The following ZNF529 variants were observed in gnomAD, a reference collection of about 807,000 sequenced individuals.
ZNF529 encodes zinc finger protein 529.
In ZNF529, 11 loss-of-function variants were observed where a neutral mutation model predicts 10.1. That is an observed-to-expected ratio of 1.09 (90% confidence interval 0.69 to 1.81). The LOEUF is 1.81. Ranked by LOEUF, ZNF529 falls within the 40% of genes most tolerant of loss-of-function variation. The probability of loss-of-function intolerance (pLI) is 0.00; values close to 1 mark genes in which losing one functional copy is unlikely to be tolerated. For synonymous variants in ZNF529, 204 were observed against 215.7 expected (o/e 0.95, Z 0.47); for missense variants, 624 against 666.8 (o/e 0.94, Z 0.71).
At position 36,545,072 on chromosome 19, in the gene ZNF529, T is replaced by C. The variant is rs1044871415; in HGVS notation, c.*1794A>G. The C allele has an allele frequency of 6.6e-6, 1 of 151,442 alleles. No homozygotes were observed. Among genetic ancestry groups the C allele is most frequent in the African/African-American group, 2.4e-5 (1 of 41,122 alleles). 9.4% of individuals were successfully genotyped at this position (151,442 alleles called of 1,614,324 possible). A position where few individuals can be genotyped will look rare whatever the true frequency, so the allele number is the denominator to read the frequency against. ...AACTCCATATCTACTAAAATACAAT[T>C]AGCTGGGCATGGTGGCGCATGCCTG... On this transcript the variant is annotated 3_prime_UTR_variant, in exon 5 of 5. Coordinates refer to ENST00000591340, the MANE Select transcript of ZNF529 (RefSeq NM_020951.5).
chr19:36,564,057 T>C (rs2035809541), intron 2 of ZNF529, among the ~76,000 whole-genome samples: 1 of 152,146 alleles, frequency 6.6e-6, no homozygotes, highest in Non-Finnish European at 1.5e-5. Flanking sequence ...ATGACTGGCA[T>C]ATGCAGAAGA....
Position 36,572,592 on chromosome 19 carries a change from G to A in ZNF529, c.-46-200C>T, listed in dbSNP as rs114852376. ...AGCAGTTTCTAGGGAACACAGCTCA[G>A]GAAATACTGTAGTTCTTTAATGTAT... On this transcript the variant is annotated intron_variant, in intron 1 of 4. Coordinates refer to ENST00000591340, the MANE Select transcript of ZNF529 (RefSeq NM_020951.5). Among the ~76,000 whole-genome samples, 1,521 of 152,214 alleles carry A rather than the reference G, an allele frequency of 1.0e-2. 31 individuals are homozygous for A. The highest frequency in any genetic ancestry group is 0.035 in the African/African-American group (1,433 of 41,528).
At chr19:36,565,080 C>T (rs897126430) in intron 2 of ZNF529, among the ~76,000 whole-genome samples, 4 of 151,988 alleles carry the variant, frequency 2.6e-5, no homozygotes, top group South Asian at 4.1e-4. Flanking sequence ...ATACACACTG[C>T]GACTACTAGA....
chr19:36,586,294 C>G (rs775840878), intron 2 of ZNF529, among the ~76,000 whole-genome samples: 12 of 151,964 alleles, frequency 7.9e-5, no homozygotes, highest in Non-Finnish European at 1.6e-4. Flanking sequence ...GAAAAGACAC[C>G]ACTCTGTGTC....
chr19:36,588,140 T>A (rs1347061740), intron 2 of ZNF529, among the ~76,000 whole-genome samples: 2 of 152,060 alleles, frequency 1.3e-5, no homozygotes, highest in Non-Finnish European at 2.9e-5. Context: ...AGAGCAAGAC[T>A]CTCTCAAAAT....
chr19:36,550,447 G>A (rs1405085782), intron 4 of ZNF529, among the ~76,000 whole-genome samples: 4 of 152,180 alleles, frequency 2.6e-5, no homozygotes, highest in Admixed American at 2.0e-4. Flanking sequence ...TTGGGAGGCT[G>A]AGGCAGGAGA....
chr19:36,601,921 G>T (rs964203301), intron 1 of ZNF529, among the ~76,000 whole-genome samples: 4 of 152,036 alleles, frequency 2.6e-5, no homozygotes, highest in African/African-American at 9.7e-5. Context: ...AAAGAGAGAT[G>T]AAAAATTTCC....
intron 4 of ZNF529, 38 bp downstream of exon 4, chr19:36,554,632 A>C: frequency 6.7e-7 from 1 of 1,486,402 alleles, no homozygotes; most frequent in Non-Finnish European, 9.0e-7. Flanking sequence ...GATAGTCTAG[A>C]GAGTATATTC....
rs753756032 is a variant in ZNF529 at position 36,589,021 on chromosome 19, G to GT, written c.-41+593dup. ...GCAATGGCACAGATCACTGCTCACTGTAACCTTGAATTCATGGGCTCAAGT... is the reference window on the plus strand; with the variant it reads ...GCAATGGCACAGATCACTGCTCACTGTTAACCTTGAATTCATGGGCTCAAGT... On this transcript the variant is annotated intron_variant, in intron 2 of 4. Transcript: ENST00000585960. Among the ~76,000 whole-genome samples, 5 of 150,222 alleles carry GT rather than the reference G, an allele frequency of 3.3e-5. No individual in the cohort carries two copies. In the East Asian group the frequency reaches 7.9e-4, roughly 24 times the overall value.
intron 4 of ZNF529, among the ~76,000 whole-genome samples, chr19:36,552,265 C>A (rs1007534073): frequency 2.6e-5 from 4 of 152,010 alleles, no homozygotes; most frequent in Non-Finnish European, 5.9e-5. Context: ...CCCATCTCTA[C>A]TAAAAATACA....
chr19:36,551,187 A>G (rs779155307), intron 4 of ZNF529, among the ~76,000 whole-genome samples: 7 of 152,210 alleles, frequency 4.6e-5, no homozygotes, highest in Non-Finnish European at 1.0e-4. Flanking sequence ...TTGACAATAC[A>G]AGAGTCAAAT....
Position 36,573,200 on chromosome 19 carries a change from CCT to C in ZNF529, c.-109_-108del, listed in dbSNP as rs2036208906. 3.1e-6 allele frequency: 1 copy of C among 327,204 alleles called. No individual in the cohort carries two copies. The highest frequency in any genetic ancestry group is 6.2e-6 in the Non-Finnish European group (1 of 161,580). 20.3% of individuals were successfully genotyped at this position (327,204 alleles called of 1,614,324 possible). A position where few individuals can be genotyped will look rare whatever the true frequency, so the allele number is the denominator to read the frequency against. ...AGGCTCCCGGCTCCACGTGGACCGA[CCT>C]CGCCCGGCAGCGCGGGGCCACCTCA... On this transcript the variant is annotated 5_prime_UTR_variant, in exon 1 of 5. Coordinates refer to ENST00000591340, the MANE Select transcript of ZNF529 (RefSeq NM_020951.5).
intron 2 of ZNF529, among the ~76,000 whole-genome samples, chr19:36,568,791 C>A (rs1430424553): frequency 6.6e-6 from 1 of 152,116 alleles, no homozygotes; most frequent in African/African-American, 2.4e-5. Context: ...ATGTAAAAGG[C>A]TGCACAGCTC....
At chr19:36,596,479 T>C (rs2036843589) in intron 1 of ZNF529, among the ~76,000 whole-genome samples, 1 of 151,976 alleles carries the variant, frequency 6.6e-6, no homozygotes, top group Non-Finnish European at 1.5e-5. Flanking sequence ...CTTTTGTTGG[T>C]GTTTGCATTA....
chr19:36,584,778 A>AT (rs1485832364), intron 2 of ZNF529, among the ~76,000 whole-genome samples: 1 of 152,082 alleles, frequency 6.6e-6, no homozygotes, highest in East Asian at 1.9e-4. Context: ...AAAAAAAAAA[A>AT]AAAGAAAGAA....
upstream of ZNF529, chr19:36,573,391 G>C (rs1227507553): frequency 2.2e-6 from 1 of 465,080 alleles, no homozygotes. Context: ...CTCAAGCGGA[G>C]CCCGCTGGCC....
chr19:36,559,739 A>G (rs1229843912), intron 2 of ZNF529, among the ~76,000 whole-genome samples: 2 of 152,216 alleles, frequency 1.3e-5, no homozygotes, highest in Non-Finnish European at 2.9e-5. Flanking sequence ...GTGTATACAT[A>G]TATGTATGTG....
At chr19:36,565,475 G>A (rs1283974995) in intron 2 of ZNF529, among the ~76,000 whole-genome samples, 1 of 152,182 alleles carries the variant, frequency 6.6e-6, no homozygotes, top group Non-Finnish European at 1.5e-5. Context: ...GGCCAAGGCA[G>A]GCGGATCATG....
upstream of ZNF529, among the ~76,000 whole-genome samples, chr19:36,575,857 T>C (rs1266539369): frequency 6.6e-6 from 1 of 152,052 alleles, no homozygotes; most frequent in East Asian, 1.9e-4. Context: ...TTGTTTTGTT[T>C]GTTTGTTTTG....
Sources: allele counts gnomAD v4.1 joint callset (sites outside exome capture counted in the v4.1 genomes callset), GRCh38; gene constraint gnomAD v4.1.1; transcripts MANE v1.5; gene names NCBI Gene and HGNC (gene_info 2026-07-23, HGNC 2026-07-21).